Variants in IGSF21 observed in about 807,000 individuals in gnomAD.
IGSF21 encodes immunoglobin superfamily member 21.
In IGSF21, 28 loss-of-function variants were observed where a neutral mutation model predicts 46.8. The observed-to-expected ratio is 0.60, with a 90% CI of 0.44 to 0.82. The LOEUF is 0.82. IGSF21 is among the 40% of genes least tolerant of loss of function. The probability of loss-of-function intolerance (pLI) is 0.00; values close to 1 mark genes in which losing one functional copy is unlikely to be tolerated. For missense variants in IGSF21, 624 were observed against 665.5 expected (o/e 0.94, Z 0.69); for synonymous variants, 284 against 273.6 (o/e 1.04, Z -0.38).
chr1:18,150,353 G>A (rs2086510613), intron 1 of IGSF21, among the ~76,000 whole-genome samples: 1 of 152,162 alleles, frequency 6.6e-6, no homozygotes, highest in African/African-American at 2.4e-5. Flanking sequence ...CCTTACGGAG[G>A]CTGGGAGGAT....
chr1:18,294,395 A>T (rs537807158), intron 3 of IGSF21, among the ~76,000 whole-genome samples: 1 of 152,336 alleles, frequency 6.6e-6, no homozygotes, highest in African/African-American at 2.4e-5. Flanking sequence ...GCCTCCTTTT[A>T]TGCGCTTTCT....
At chr1:18,228,137 G>A in intron 2 of IGSF21, 127 bp downstream of exon 2, 1 of 692,192 alleles carries the variant, frequency 1.4e-6, no homozygotes. Flanking sequence ...GTTGTCCTGG[G>A]CATCTGCTGG....
intron 1 of IGSF21, among the ~76,000 whole-genome samples, chr1:18,189,128 A>G (rs770205137): frequency 3.3e-5 from 5 of 152,264 alleles, no homozygotes; most frequent in African/African-American, 1.2e-4. Flanking sequence ...GGGCAGTGGC[A>G]GCAGGCCCAA....
intron 1 of IGSF21, among the ~76,000 whole-genome samples, chr1:18,159,934 G>A (rs1378477929): frequency 6.6e-6 from 1 of 152,096 alleles, no homozygotes; most frequent in Non-Finnish European, 1.5e-5. Flanking sequence ...ATCCACCTTG[G>A]CCTCCCAAAG....
chr1:18,134,745 G>A (rs2124419911), intron 1 of IGSF21, among the ~76,000 whole-genome samples: 1 of 152,254 alleles, frequency 6.6e-6, no homozygotes, highest in African/African-American at 2.4e-5. Flanking sequence ...CAGCACCCAA[G>A]CCCAGGTCCT....
chr1:18,165,236 A>G (rs4920305), intron 1 of IGSF21, among the ~76,000 whole-genome samples: 9,686 of 152,108 alleles, frequency 0.064, 391 homozygotes, highest in East Asian at 0.15. Flanking sequence ...AACAACAGAA[A>G]TGGTTTTTCC....
chr1:18,139,220 A>C (rs1247978366), intron 1 of IGSF21, among the ~76,000 whole-genome samples: 3 of 152,194 alleles, frequency 2.0e-5, no homozygotes, highest in African/African-American at 7.2e-5. Flanking sequence ...TGCATGAATA[A>C]ATTCACTCTT....
At chr1:18,134,170 G>T (rs995230853) in intron 1 of IGSF21, among the ~76,000 whole-genome samples, 5 of 152,092 alleles carry the variant, frequency 3.3e-5, no homozygotes, top group Non-Finnish European at 7.4e-5. Context: ...ATAAATGAAT[G>T]AATAAAAGGA....
At chr1:18,246,087 C>G (rs567341832) in intron 2 of IGSF21, among the ~76,000 whole-genome samples, 2 of 152,336 alleles carry the variant, frequency 1.3e-5, no homozygotes, top group East Asian at 3.9e-4. Flanking sequence ...GGACTTGCTG[C>G]TATTAAACAG....
intron 2 of IGSF21, among the ~76,000 whole-genome samples, chr1:18,247,048 C>CTTTT (rs34980016): frequency 3.3e-5 from 4 of 122,418 alleles, no homozygotes; most frequent in Admixed American, 8.2e-5. Flanking sequence ...AGCTGGAATT[C>CTTTT]TTTTTTTTTT....
Position 18,133,406 on chromosome 1 carries a change from C to A in IGSF21, c.70+25208C>A, listed in dbSNP as rs926977935. On this transcript the variant is annotated intron_variant, in intron 1 of 9. Transcript: ENST00000251296. ...GTCTGCACTCGGCTTCACTACACAGCCGCTGTGTGGCCCTGGACAAGTCGC... is the reference window on the plus strand; with the variant it reads ...GTCTGCACTCGGCTTCACTACACAGACGCTGTGTGGCCCTGGACAAGTCGC... 3.3e-5 allele frequency among the ~76,000 whole-genome samples: 5 copies of A among 152,376 alleles called. No individual in the cohort carries two copies. The East Asian group carries it at 9.6e-4, about 29-fold the overall frequency.
At chr1:18,252,136 C>T (rs199675466) in intron 2 of IGSF21, among the ~76,000 whole-genome samples, 4 of 147,648 alleles carry the variant, frequency 2.7e-5, no homozygotes, top group South Asian at 2.2e-4. Flanking sequence ...CTGCAAGCTC[C>T]GCCTCCTGGG....
intron 1 of IGSF21, among the ~76,000 whole-genome samples, chr1:18,165,623 A>G (rs2086671059): frequency 6.6e-6 from 1 of 152,204 alleles, no homozygotes; most frequent in African/African-American, 2.4e-5. Flanking sequence ...TCCCCATCTA[A>G]TTAAGAATAA....
At chr1:18,272,892 A>G (rs1224232634) in intron 2 of IGSF21, among the ~76,000 whole-genome samples, 1 of 152,162 alleles carries the variant, frequency 6.6e-6, no homozygotes, top group Non-Finnish European at 1.5e-5. Flanking sequence ...GGGAGGAGAC[A>G]ATAAAACCAC....
chr1:18,194,315 C>T (rs1433282466), intron 1 of IGSF21, among the ~76,000 whole-genome samples: 1 of 152,168 alleles, frequency 6.6e-6, no homozygotes. Flanking sequence ...AAACAATCCC[C>T]CTTTGACCCT....
chr1:18,248,077 T>C (rs2084801646), intron 2 of IGSF21, among the ~76,000 whole-genome samples: 1 of 152,244 alleles, frequency 6.6e-6, no homozygotes, highest in Non-Finnish European at 1.5e-5. Flanking sequence ...GTGTCTACAC[T>C]GCAAGGAGGA....
At chr1:18,233,494 C>T (rs118074987) in intron 2 of IGSF21, among the ~76,000 whole-genome samples, 1 of 152,310 alleles carries the variant, frequency 6.6e-6, no homozygotes, top group East Asian at 1.9e-4. Flanking sequence ...GGTGACCTAA[C>T]CTTTCAGCCT....
intron 4 of IGSF21, among the ~76,000 whole-genome samples, chr1:18,341,692 G>T (rs533942983): frequency 1.3e-5 from 2 of 152,154 alleles, no homozygotes; most frequent in Non-Finnish European, 2.9e-5. Context: ...CCAGTGTGTG[G>T]CAGGGCAGGG....
intron 6 of IGSF21, among the ~76,000 whole-genome samples, chr1:18,366,354 G>A (rs911242586): frequency 5.9e-5 from 9 of 152,180 alleles, no homozygotes; most frequent in African/African-American, 2.2e-4. Context: ...AAGACCAGGG[G>A]AGGTCAAGAT....
Sources: gnomAD v4.1 joint callset for allele counts (sites outside exome capture counted in the v4.1 genomes callset) on GRCh38, gnomAD v4.1.1 for gene constraint, MANE v1.5 for transcripts, NCBI Gene and HGNC (gene_info 2026-07-23, HGNC 2026-07-21) for gene names.